Variants in CNTN6 observed in about 807,000 individuals in gnomAD.
The protein encoded by CNTN6 is contactin 6, also known as contactin-6.
A neutral mutation model predicts 122.8 loss-of-function variants in CNTN6; 137 were observed. The ratio of observed to expected loss-of-function variants is 1.12; its 90% CI spans 0.97 to 1.29. CNTN6 has a LOEUF of 1.29. Ranked by LOEUF, CNTN6 falls within the 50% of genes most tolerant of loss-of-function variation. The probability of loss-of-function intolerance (pLI) is 0.00; values close to 1 mark genes in which losing one functional copy is unlikely to be tolerated. For synonymous variants in CNTN6, 570 were observed against 426.0 expected (o/e 1.34, Z -4.16); for missense variants, 1,634 against 1,223.4 (o/e 1.34, Z -5.01).
chr3:1,323,986 A>G (rs17037652), intron 8 of CNTN6, among the ~76,000 whole-genome samples: 1 of 150,260 alleles, frequency 6.7e-6, no homozygotes, highest in Admixed American at 6.6e-5. Flanking sequence ...ATGAGCATGC[A>G]TTTATTTTCC....
chr3:1,383,867 G>A (rs1692328290), intron 19 of CNTN6, among the ~76,000 whole-genome samples: 1 of 152,164 alleles, frequency 6.6e-6, no homozygotes, highest in South Asian at 2.1e-4. Context: ...GTAACCTCCA[G>A]GCCATTGCCA....
chr3:1,241,344 TC>T (rs1310996777), intron 4 of CNTN6, among the ~76,000 whole-genome samples: 1 of 151,984 alleles, frequency 6.6e-6, no homozygotes, highest in African/African-American at 2.4e-5. Context: ...GCGATGTTTC[TC>T]AGGGCTGCTT....
chr3:1,104,463 G>A (rs546864164), intron 1 of CNTN6, among the ~76,000 whole-genome samples: 2 of 152,112 alleles, frequency 1.3e-5, no homozygotes, highest in East Asian at 3.9e-4. Flanking sequence ...TTCCCTGAAA[G>A]GTATTCATTT....
chr3:1,134,801 A>G (rs1383127043), intron 1 of CNTN6, among the ~76,000 whole-genome samples: 3 of 152,112 alleles, frequency 2.0e-5, no homozygotes, highest in Non-Finnish European at 4.4e-5. Flanking sequence ...GCAGGGTACT[A>G]TTTATATAAA....
chr3:1,107,464 C>T (rs1303041192), intron 1 of CNTN6, among the ~76,000 whole-genome samples: 1 of 151,974 alleles, frequency 6.6e-6, no homozygotes, highest in Admixed American at 6.6e-5. Context: ...TCAAAGATGC[C>T]ACTTTTTATT....
chr3:1,224,610 T>C (rs1163939040), intron 3 of CNTN6, among the ~76,000 whole-genome samples: 1 of 151,948 alleles, frequency 6.6e-6, no homozygotes, highest in Non-Finnish European at 1.5e-5. Flanking sequence ...TTTCAGCAAA[T>C]ATACCATGTA....
intron 19 of CNTN6, among the ~76,000 whole-genome samples, chr3:1,385,182 T>C (rs2126191864): frequency 6.6e-6 from 1 of 152,140 alleles, no homozygotes; most frequent in South Asian, 2.1e-4. Flanking sequence ...AAAGGTAGGG[T>C]TCAGTATAAA....
intron 10 of CNTN6, 76 bp downstream of exon 10, chr3:1,327,662 ATTT>A: frequency 7.0e-7 from 1 of 1,430,984 alleles, no homozygotes; most frequent in African/African-American, 1.4e-5. Context: ...TCCCAACCCA[ATTT>A]TTTTTGTAAA....
chr3:1,171,736 CCCTGGGACTACAGGTGCA>C (rs2093361643), intron 2 of CNTN6, among the ~76,000 whole-genome samples: 1 of 152,038 alleles, frequency 6.6e-6, no homozygotes, highest in Non-Finnish European at 1.5e-5. Flanking sequence ...CCTCCCAAGT[CCCTGGGACTACAGGTGCA>C]TGCCACCATG....
chr3:1,289,660 T>C (rs1694947413), intron 5 of CNTN6, among the ~76,000 whole-genome samples: 1 of 141,088 alleles, frequency 7.1e-6, no homozygotes, highest in Non-Finnish European at 1.5e-5. Flanking sequence ...TCTTTTGTTT[T>C]GTTTTGTTTT....
At chr3:1,326,616 G>A (rs774005218) in intron 9 of CNTN6, among the ~76,000 whole-genome samples, 29 of 151,746 alleles carry the variant, frequency 1.9e-4, no homozygotes, top group Admixed American at 6.6e-4. Flanking sequence ...CCTAGAAAAT[G>A]AAAGATTTGT....
intron 11 of CNTN6, among the ~76,000 whole-genome samples, chr3:1,345,145 C>T (rs1423504905): frequency 2.7e-5 from 4 of 148,750 alleles, no homozygotes; most frequent in African/African-American, 1.0e-4. Context: ...GAGACAGGGT[C>T]TCACTTAGTC....
At chr3:1,395,037 A>C (rs1178094316) in intron 20 of CNTN6, among the ~76,000 whole-genome samples, 2 of 152,184 alleles carry the variant, frequency 1.3e-5, no homozygotes, top group African/African-American at 4.8e-5. Flanking sequence ...TGTAATTCCT[A>C]GATATCTAGT....
intron 9 of CNTN6, among the ~76,000 whole-genome samples, chr3:1,326,554 C>G (rs1197114039): frequency 1.3e-5 from 2 of 151,852 alleles, no homozygotes; most frequent in Non-Finnish European, 2.9e-5. Context: ...AAGTAAATAA[C>G]TAAGGCAGTT....
chr3:1,403,175 T>G, intron 22 of CNTN6, 143 bp from the exon 23 acceptor site: 1 of 557,162 alleles, frequency 1.8e-6, no homozygotes, highest in Non-Finnish European at 3.1e-6. Flanking sequence ...CTTTCTAAAA[T>G]TAAATATAAT....
chr3:1,160,463 A>G (rs969040150), intron 2 of CNTN6, among the ~76,000 whole-genome samples: 81 of 150,732 alleles, frequency 5.4e-4, no homozygotes, highest in Middle Eastern at 3.4e-3. Context: ...GTTGTTGTGT[A>G]TAATGGCAAG....
chr3:1,354,513 A>G (rs1575829889), intron 12 of CNTN6, among the ~76,000 whole-genome samples: 1 of 151,278 alleles, frequency 6.6e-6, no homozygotes, highest in Non-Finnish European at 1.5e-5. Flanking sequence ...ACCACTTTTT[A>G]TCTTCTTACG....
At chr3:1,271,523 T>C (rs1178393993) in intron 4 of CNTN6, among the ~76,000 whole-genome samples, 1 of 152,194 alleles carries the variant, frequency 6.6e-6, no homozygotes, top group African/African-American at 2.4e-5. Flanking sequence ...CTCTGTTGTA[T>C]GTGCTGGTGG....
At chr3:1,365,646 T>C (rs781359065) in intron 12 of CNTN6, among the ~76,000 whole-genome samples, 26 of 152,034 alleles carry the variant, frequency 1.7e-4, no homozygotes, top group Non-Finnish European at 2.6e-4. Flanking sequence ...TAGGAAACCT[T>C]GAATTAAATA....
Sources: allele counts gnomAD v4.1 joint callset (sites outside exome capture counted in the v4.1 genomes callset), GRCh38; gene constraint gnomAD v4.1.1; transcripts MANE v1.5; gene names NCBI Gene and HGNC (gene_info 2026-07-23, HGNC 2026-07-21).